The following SUPT6H variants were observed in gnomAD, a reference collection of about 807,000 sequenced individuals.
SUPT6H encodes transcription elongation factor SPT6.
Under a neutral mutation model 222.3 loss-of-function variants are expected in SUPT6H, and 11 were observed. That is an observed-to-expected ratio of 0.05 (90% CI 0.03 to 0.08). The LOEUF (loss-of-function observed/expected upper bound fraction) is 0.08, where lower values mean the gene tolerates loss of function less well. Among genes scored for constraint, SUPT6H ranks in the 10% least tolerant of loss-of-function variants. SUPT6H has a pLI of 1.00. For synonymous variants in SUPT6H, 762 were observed against 801.2 expected (o/e 0.95, Z 0.83); for missense variants, 1,422 against 2,216.0 (o/e 0.64, Z 7.19).
intron 1 of SUPT6H, among the ~76,000 whole-genome samples, chr17:28,667,501 GTATA>G (rs150189935): frequency 7.2e-6 from 1 of 138,274 alleles, no homozygotes; most frequent in African/African-American, 2.7e-5. Context: ...ATGTATATGT[GTATA>G]TATATATAAA....
At position 28,687,239 on chromosome 17, in the gene SUPT6H, G is replaced by A; in HGVS notation, c.2838+14G>A. ...CACCCCTTGCAGGTGAGTAGGATTT[G>A]ACAGGCAGGCTCGGGTGAAGGGAAA... On this transcript the variant is annotated intron_variant, in intron 22 of 36. Coordinates refer to ENST00000314616, the MANE Select transcript of SUPT6H (RefSeq NM_003170.5). 2 of 1,614,168 alleles carry A rather than the reference G, an allele frequency of 1.2e-6. No homozygotes were observed. Among genetic ancestry groups the A allele is most frequent in the Non-Finnish European group, 1.7e-6 (2 of 1,180,030 alleles).
intron 20 of SUPT6H, 24 bp downstream of exon 20, chr17:28,686,439 T>C (rs535585386): frequency 4.3e-6 from 7 of 1,611,666 alleles, no homozygotes; most frequent in South Asian, 2.2e-5. Context: ...AGACCACACC[T>C]GGTTTAAGGC....
rs576715286 is a variant in SUPT6H at position 28,678,974 on chromosome 17, C to T, written c.1349+11C>T. The T allele has an allele frequency of 3.2e-5, 51 of 1,614,058 alleles. No homozygotes were observed. The highest frequency in any genetic ancestry group is 3.6e-5 in the Non-Finnish European group (43 of 1,179,972). On this transcript the variant is annotated intron_variant, in intron 11 of 36. Coordinates refer to ENST00000314616, the MANE Select transcript of SUPT6H (RefSeq NM_003170.5). ...CACTGACATGGAGAGGTAAAACATG[C>T]GGTGTTTATTCCATTATGGGAAGCC...
chr17:28,664,312 A>G (rs752050314), intron 1 of SUPT6H, among the ~76,000 whole-genome samples: 1 of 152,194 alleles, frequency 6.6e-6, no homozygotes, highest in African/African-American at 2.4e-5. Flanking sequence ...GTTCACAACC[A>G]GCCTGGCCAG....
intron 17 of SUPT6H, among the ~76,000 whole-genome samples, chr17:28,684,306 G>A (rs2031272672): frequency 6.6e-6 from 1 of 152,158 alleles, no homozygotes; most frequent in African/African-American, 2.4e-5. Context: ...AGGCCACAGG[G>A]ACCACCTCTA....
chr17:28,680,615 A>G (rs1228466310), intron 11 of SUPT6H, among the ~76,000 whole-genome samples: 1 of 151,852 alleles, frequency 6.6e-6, no homozygotes, highest in Non-Finnish European at 1.5e-5. Context: ...AATAAATACG[A>G]TATGTTCTAG....
In SUPT6H at chr17:28,687,458, C is replaced by A. The variant is rs772860204; in HGVS notation, c.2993C>A (p.Thr998Asn). 1.9e-6 allele frequency: 3 copies of A among 1,613,898 alleles called. No individual in the cohort carries two copies. Among genetic ancestry groups the A allele is most frequent in the Non-Finnish European group, 1.7e-6 (2 of 1,179,994 alleles). ...TGTGGCCTGGGACCTCGGAAAGGGA[C>A]CCACCTCCTGAAGGTAGGATTGGAG... Reference protein sequence around the residue: ...YVCGLGPRKGTHLLKILKQNN... With the variant: ...YVCGLGPRKGNHLLKILKQNN... The change falls in exon 23 of 37, where the codon ACC becomes AAC. Residue 998 changes from threonine (T) to asparagine (N), a missense_variant. Physicochemically the swap from Thr to Asn is moderately conservative, Grantham distance 65. Around this residue, in one of 13 missense-constraint regions of SUPT6H, gnomAD observed 294 missense variants for 382.1 expected, o/e 0.77. Transcript: ENST00000314616.
Position 28,681,881 on chromosome 17 carries a change from G to C in SUPT6H, c.1499-1G>C. ...TAAATCTCCCCATGTTTTCTTCCCAGGTGAAGGTGACGAGGCAGAAGATGA... is the reference window on the plus strand; with the variant it reads ...TAAATCTCCCCATGTTTTCTTCCCACGTGAAGGTGACGAGGCAGAAGATGA... On this transcript the variant is annotated splice_acceptor_variant, in intron 12 of 36. Coordinates refer to ENST00000314616, the MANE Select transcript of SUPT6H (RefSeq NM_003170.5). LOFTEE classifies it high-confidence loss of function. 1 of 1,606,834 alleles carries C rather than the reference G, an allele frequency of 6.2e-7. No individual in the cohort carries two copies.
rs781161876 is a variant in SUPT6H at position 28,687,426 on chromosome 17, G to A, written c.2961G>A (p.Gln987=). The A allele has an allele frequency of 6.2e-6, 10 of 1,614,222 alleles. No homozygotes were observed. The South Asian group carries it at 1.1e-4, about 18-fold the overall frequency. Residue 987 remains glutamine, a synonymous_variant, in exon 23 of 37, where the codon CAG becomes CAA. Transcript: ENST00000314616. ...ACCCTTACAGCCAGGCCTTGATCCA[G>A]TATGTTTGTGGCCTGGGACCTCGGA... ...IAHPYSQALI[Q]YVCGLGPRKG...
intron 19 of SUPT6H, 28 bp from the exon 20 acceptor site, chr17:28,686,311 A>C: frequency 6.2e-7 from 1 of 1,605,910 alleles, no homozygotes; most frequent in East Asian, 2.2e-5. Flanking sequence ...CCTCAGAGCC[A>C]TTCAGCTTCA....
chr17:28,678,975 G>T lies in SUPT6H; in HGVS notation c.1349+12G>T, dbSNP rs762054221. The T allele has an allele frequency of 6.2e-7, 1 of 1,614,052 alleles. No homozygotes were observed. The highest frequency in any genetic ancestry group is 1.3e-5 in the African/African-American group (1 of 75,032). On this transcript the variant is annotated intron_variant, in intron 11 of 36. Transcript: ENST00000314616. ...ACTGACATGGAGAGGTAAAACATGC[G>T]GTGTTTATTCCATTATGGGAAGCCC... is the stretch of plus-strand genomic sequence containing the variant.
chr17:28,694,688 AT>A (rs1422942482), intron 28 of SUPT6H, among the ~76,000 whole-genome samples: 1 of 152,166 alleles, frequency 6.6e-6, no homozygotes, highest in African/African-American at 2.4e-5. Context: ...AACAGCTATT[AT>A]TTTGCTTCCC....
At position 28,684,841 on chromosome 17, in the gene SUPT6H, C is replaced by T; in HGVS notation, c.2370-3C>T. ...CATTCTTGTTTTTCTGTCTGTCTGG[C>T]AGAGATCACCCTGTGTTCTGCGCCC... On this transcript the variant is annotated splice_polypyrimidine_tract_variant and splice_region_variant and intron_variant, in intron 18 of 36. Coordinates refer to ENST00000314616, the MANE Select transcript of SUPT6H (RefSeq NM_003170.5). 4 of 1,614,144 alleles carry T rather than the reference C, an allele frequency of 2.5e-6. No individual in the cohort carries two copies. In the South Asian group the frequency reaches 4.4e-5, roughly 18 times the overall value.
At chr17:28,665,424 C>G (rs768116628) in intron 1 of SUPT6H, among the ~76,000 whole-genome samples, 3 of 152,116 alleles carry the variant, frequency 2.0e-5, no homozygotes, top group Non-Finnish European at 2.9e-5. Flanking sequence ...GGGCATGGAC[C>G]TAGTCTTGTA....
chr17:28,679,084 C>T, intron 11 of SUPT6H, 121 bp downstream of exon 11: 1 of 1,321,774 alleles, frequency 7.6e-7, no homozygotes, highest in Non-Finnish European at 1.0e-6. Flanking sequence ...AGAAATCCAA[C>T]TTGTCAACCA....
chr17:28,679,749 T>C (rs1478911768), intron 11 of SUPT6H, among the ~76,000 whole-genome samples: 1 of 151,358 alleles, frequency 6.6e-6, no homozygotes, highest in Admixed American at 6.6e-5. Flanking sequence ...CCTGGCACTT[T>C]GGGAAGCCAG....
chr17:28,699,757 G>C, intron 32 of SUPT6H, 24 bp from the exon 33 acceptor site: 4 of 1,603,520 alleles, frequency 2.5e-6, no homozygotes, highest in Non-Finnish European at 3.4e-6. Context: ...GGTTTCTGAT[G>C]CATGTTTCCT....
chr17:28,682,595 T>C, intron 13 of SUPT6H, 132 bp from the exon 14 acceptor site: 1 of 1,328,062 alleles, frequency 7.5e-7, no homozygotes. Flanking sequence ...CACTTTAGCC[T>C]GGGCAACAGA....
chr17:28,670,428 C>G (rs1318836544), intron 1 of SUPT6H: 1 of 152,116 alleles, frequency 6.6e-6, no homozygotes, highest in Non-Finnish European at 1.5e-5. Context: ...TTAAAATACC[C>G]AAGAGAGACC....
Sources: allele counts gnomAD v4.1 joint callset (sites outside exome capture counted in the v4.1 genomes callset), GRCh38; gene constraint gnomAD v4.1.1; regional missense constraint gnomAD v4.1.1; transcripts MANE v1.5; gene names NCBI Gene and HGNC (gene_info 2026-07-23, HGNC 2026-07-21).